CNTNAP2: variants seen among roughly 807,000 people sequenced by gnomAD.
CNTNAP2 encodes the protein contactin associated protein 2, also known as contactin-associated protein-like 2.
A neutral mutation model predicts 155.2 loss-of-function variants in CNTNAP2; 98 were observed. That is an observed-to-expected ratio of 0.63 (90% confidence interval 0.54 to 0.75). The LOEUF is 0.75. CNTNAP2 is among the 30% of genes least tolerant of loss of function. CNTNAP2 has a pLI of 0.00. For synonymous variants in CNTNAP2, 651 were observed against 631.2 expected (o/e 1.03, Z -0.47); for missense variants, 1,727 against 1,688.1 (o/e 1.02, Z -0.40).
At chr7:146,939,261 G>A (rs1796995014) in intron 3 of CNTNAP2, among the ~76,000 whole-genome samples, 1 of 152,056 alleles carries the variant, frequency 6.6e-6, no homozygotes, top group Non-Finnish European at 1.5e-5. Flanking sequence ...CTCACAATAG[G>A]AGTTCGTTTT....
At chr7:147,678,349 C>T (rs1383169770) in intron 13 of CNTNAP2, among the ~76,000 whole-genome samples, 4 of 151,878 alleles carry the variant, frequency 2.6e-5, no homozygotes, top group Non-Finnish European at 5.9e-5. Flanking sequence ...ATGAATGGTG[C>T]TAGGATTATT....
intron 15 of CNTNAP2, among the ~76,000 whole-genome samples, chr7:147,991,019 C>A (rs1377719021): frequency 1.3e-5 from 2 of 152,144 alleles, no homozygotes. Context: ...CACCATGAGT[C>A]ACCTTATTGG....
chr7:147,801,327 A>ATT (rs1313563381), intron 13 of CNTNAP2, among the ~76,000 whole-genome samples: 7 of 123,630 alleles, frequency 5.7e-5, no homozygotes, highest in Non-Finnish European at 9.8e-5. Context: ...TTTTTTTTTA[A>ATT]TTTTTTTTTT....
intron 8 of CNTNAP2, among the ~76,000 whole-genome samples, chr7:147,174,883 T>C (rs1178442175): frequency 1.3e-5 from 2 of 152,164 alleles, no homozygotes; most frequent in Non-Finnish European, 2.9e-5. Context: ...TATAATTTTT[T>C]CATAGATAGA....
At chr7:146,790,797 CT>C in intron 2 of CNTNAP2, among the ~76,000 whole-genome samples, 1 of 152,042 alleles carries the variant, frequency 6.6e-6, no homozygotes, top group Non-Finnish European at 1.5e-5. Flanking sequence ...TCTCAATCTC[CT>C]GACCTTGTGA....
intron 1 of CNTNAP2, among the ~76,000 whole-genome samples, chr7:146,324,079 T>C (rs965023109): frequency 6.6e-6 from 1 of 152,144 alleles, no homozygotes; most frequent in Non-Finnish European, 1.5e-5. Context: ...CTCTGGGAAT[T>C]ATTTGAATTT....
intron 10 of CNTNAP2, among the ~76,000 whole-genome samples, chr7:147,447,584 T>C (rs2116561976): frequency 6.6e-6 from 1 of 152,146 alleles, no homozygotes; most frequent in African/African-American, 2.4e-5. Context: ...GCCCAGCTAA[T>C]TTTTTCTGTA....
At chr7:146,736,678 G>A (rs1413240801) in intron 1 of CNTNAP2, among the ~76,000 whole-genome samples, 1 of 152,164 alleles carries the variant, frequency 6.6e-6, no homozygotes, top group Non-Finnish European at 1.5e-5. Context: ...AGGAAATACT[G>A]AAGTGCTAAG....
chr7:148,239,010 TAAAG>T (rs755945980), intron 20 of CNTNAP2, among the ~76,000 whole-genome samples: 6 of 151,642 alleles, frequency 4.0e-5, no homozygotes, highest in Admixed American at 6.6e-5. Context: ...TCAGAACAAA[TAAAG>T]AAAGTTGACC....
chr7:146,316,583 G>C (rs1252604393), intron 1 of CNTNAP2, among the ~76,000 whole-genome samples: 3 of 152,084 alleles, frequency 2.0e-5, no homozygotes, highest in Non-Finnish European at 4.4e-5. Flanking sequence ...GTCCACCCGT[G>C]GTGGGAGATA....
chr7:146,698,761 A>G (rs1388366272), intron 1 of CNTNAP2, among the ~76,000 whole-genome samples: 1 of 152,020 alleles, frequency 6.6e-6, no homozygotes, highest in Non-Finnish European at 1.5e-5. Context: ...TGCGTTATGC[A>G]CATTACACAT....
chr7:148,164,021 GC>G (rs1805602035), intron 17 of CNTNAP2, among the ~76,000 whole-genome samples: 1 of 152,056 alleles, frequency 6.6e-6, no homozygotes, highest in Admixed American at 6.5e-5. Flanking sequence ...TGTAGCCTCT[GC>G]CTCCCAGGTT....
At chr7:146,395,252 C>T (rs934140030) in intron 1 of CNTNAP2, among the ~76,000 whole-genome samples, 3 of 152,096 alleles carry the variant, frequency 2.0e-5, no homozygotes, top group African/African-American at 7.2e-5. Context: ...CTCTATTTAA[C>T]AGCTAAGGAA....
At chr7:147,865,438 T>A (rs1799210606) in intron 13 of CNTNAP2, among the ~76,000 whole-genome samples, 1 of 152,226 alleles carries the variant, frequency 6.6e-6, no homozygotes, top group African/African-American at 2.4e-5. Context: ...CATGTTGGCC[T>A]CATAAAGTGA....
In CNTNAP2 at chr7:146,322,643, T is replaced by TTA. The variant is rs1377672224; in HGVS notation, c.97+205671_97+205672insAT. Among the ~76,000 whole-genome samples the TTA allele has an allele frequency of 2.2e-5, 3 of 138,904 alleles. 1 individual carries two copies. Among genetic ancestry groups the TTA allele is most frequent in the African/African-American group, 7.9e-5 (3 of 38,126 alleles). 91.1% of individuals were successfully genotyped at this position (138,904 alleles called of 152,430 possible). On this transcript the variant is annotated intron_variant, in intron 1 of 23. Transcript: ENST00000361727. Reference sequence around the variant, plus strand: ...CTGTTGTGTTCATTCTCTTTTTTTTTTTTTTTTTTGCTGGCTATGACGGTA... The same window carrying TTA: ...CTGTTGTGTTCATTCTCTTTTTTTTTTATTTTTTTTTGCTGGCTATGACGGTA...
chr7:147,306,329 A>T (rs62485034), intron 9 of CNTNAP2, among the ~76,000 whole-genome samples: 1 of 152,230 alleles, frequency 6.6e-6, no homozygotes, highest in African/African-American at 2.4e-5. Flanking sequence ...GATAACTAAA[A>T]GTTAGAGGCA....
At chr7:146,875,566 A>G (rs994605561) in intron 3 of CNTNAP2, among the ~76,000 whole-genome samples, 1 of 152,132 alleles carries the variant, frequency 6.6e-6, no homozygotes, top group Non-Finnish European at 1.5e-5. Context: ...ACATCAATGA[A>G]GACAGAGCCC....
chr7:146,187,231 A>G (rs192007081), intron 1 of CNTNAP2, among the ~76,000 whole-genome samples: 7 of 152,286 alleles, frequency 4.6e-5, no homozygotes, highest in African/African-American at 1.7e-4. Flanking sequence ...TAGAACATGA[A>G]AGAACCCTCA....
intron 21 of CNTNAP2, among the ~76,000 whole-genome samples, chr7:148,293,060 T>C (rs2116483822): frequency 7.3e-6 from 1 of 137,320 alleles, no homozygotes; most frequent in East Asian, 2.2e-4. Flanking sequence ...ATAGACATCG[T>C]GATTGACAAA....
Sources: gnomAD v4.1 joint callset for allele counts (sites outside exome capture counted in the v4.1 genomes callset) on GRCh38, gnomAD v4.1.1 for gene constraint, MANE v1.5 for transcripts, NCBI Gene and HGNC (gene_info 2026-07-23, HGNC 2026-07-21) for gene names.